LRCH2: variants seen among roughly 807,000 people sequenced by gnomAD.
The protein encoded by LRCH2 is leucine-rich repeat and calponin homology domain-containing protein 2.
Under a neutral mutation model 68.9 loss-of-function variants are expected in LRCH2, and 38 were observed. The ratio of observed to expected loss-of-function variants is 0.55; its 90% confidence interval spans 0.43 to 0.72. The LOEUF (loss-of-function observed/expected upper bound fraction) is 0.72, where lower values mean the gene tolerates loss of function less well. LRCH2 is among the 30% of genes least tolerant of loss of function. The pLI is 0.00. For missense variants in LRCH2, 528 were observed against 572.9 expected, an observed-to-expected ratio of 0.92 and a Z score of 0.80; for synonymous variants, 191 against 208.1, an observed-to-expected ratio of 0.92 and a Z score of 0.71.
chrX:115,199,031 T>C (rs1187223757), intron 1 of LRCH2, among the ~76,000 whole-genome samples: 1 of 112,330 alleles, frequency 8.9e-6, no homozygotes, highest in Non-Finnish European at 1.9e-5. Flanking sequence ...AAGCAAATGC[T>C]GAGGAATTCA....
In LRCH2 at chrX:115,191,280, G is replaced by C. The variant is rs781787462; in HGVS notation, c.350-2910C>G. On this transcript the variant is annotated intron_variant, in intron 1 of 20. Coordinates refer to ENST00000317135, the MANE Select transcript of LRCH2 (RefSeq NM_020871.4). ...GCCGCTCGCCCAATGCCTACAGCGG[G>C]GGCCACGACAGTTCCAGCTGGAGCC... The C allele has an allele frequency of 7.5e-5, 86 of 1,153,178 alleles. 1 individual carries two copies. The Admixed American group carries it at 2.2e-3, about 30-fold the overall frequency.
At chrX:115,134,570 T>C (rs2072272320) in intron 14 of LRCH2, among the ~76,000 whole-genome samples, 1 of 112,054 alleles carries the variant, frequency 8.9e-6, no homozygotes, top group Non-Finnish European at 1.9e-5. Context: ...AAATCTATTC[T>C]GCCTGTGCTT....
At chrX:115,133,045 A>T (rs2072259534) in intron 14 of LRCH2, among the ~76,000 whole-genome samples, 1 of 111,741 alleles carries the variant, frequency 8.9e-6, no homozygotes, top group Admixed American at 9.6e-5. Flanking sequence ...CACAAGAAAA[A>T]AATCCACTGC....
Position 115,165,916 on chromosome X carries a change from C to T in LRCH2, c.1123G>A (p.Val375Ile), listed in dbSNP as rs1231950856. The T allele has an allele frequency of 1.1e-5, 13 of 1,166,076 alleles. No homozygotes were observed. The highest frequency in any genetic ancestry group is 1.5e-5 in the Non-Finnish European group (13 of 870,034). ...DDDTVSLHSQ[V>I]SESNREQTSR... ...GTCTGCTCTCTATTTGATTCTGAGACTTGAGAATGAAGGCTGACTGTGTCA... is the reference window on the plus strand; with the variant it reads ...GTCTGCTCTCTATTTGATTCTGAGATTTGAGAATGAAGGCTGACTGTGTCA... Residue 375 changes from valine (V) to isoleucine (I), a missense_variant, in exon 8 of 21, where the codon GTC becomes ATC. Coordinates refer to ENST00000317135, the MANE Select transcript of LRCH2 (RefSeq NM_020871.4).
At chrX:115,191,411 C>A (rs1556559272) in intron 1 of LRCH2, 7 of 1,154,418 alleles carry the variant, frequency 6.1e-6, no homozygotes. Flanking sequence ...CACGACAGTT[C>A]TGGCCAGAGC....
At chrX:115,155,304 A>C (rs1433903569) in intron 12 of LRCH2, among the ~76,000 whole-genome samples, 2 of 110,144 alleles carry the variant, frequency 1.8e-5, no homozygotes, top group African/African-American at 6.6e-5. Flanking sequence ...TCACCCACGT[A>C]CTGCTGAAAA....
rs1417525078 is a variant in LRCH2 at position 115,118,102 on chromosome X, A to C, written c.2178+4425T>G. 1.2e-4 allele frequency among the ~76,000 whole-genome samples: 13 copies of C among 110,496 alleles called. No individual in the cohort carries two copies. The Admixed American group carries it at 1.3e-3, about 11-fold the overall frequency. ...ATTAGTGAGGTAGTGAATGCTTGTA[A>C]TCCCAGTTATTTGTGAAATGGAAGT... On this transcript the variant is annotated intron_variant, in intron 20 of 20. Coordinates refer to ENST00000317135, the MANE Select transcript of LRCH2 (RefSeq NM_020871.4).
intron 1 of LRCH2, chrX:115,192,825 T>C: frequency 2.1e-6 from 1 of 468,260 alleles, no homozygotes; most frequent in Admixed American, 4.1e-5. Flanking sequence ...TTTGAAATTG[T>C]TAATGTTTCT....
chrX:115,185,875 C>A (rs2147412061), intron 2 of LRCH2, among the ~76,000 whole-genome samples: 1 of 111,270 alleles, frequency 9.0e-6, no homozygotes, highest in South Asian at 3.9e-4. Flanking sequence ...ACACAAGGAT[C>A]TTTCTACAGG....
intron 1 of LRCH2, among the ~76,000 whole-genome samples, chrX:115,194,160 GAGAT>G (rs1556562434): frequency 9.0e-6 from 1 of 111,232 alleles, no homozygotes; most frequent in Non-Finnish European, 1.9e-5. Context: ...GAGAAGGAGA[GAGAT>G]ATATATTCTC....
At position 115,192,157 on chromosome X, in the gene LRCH2, C is replaced by T. The variant is rs1214872099; in HGVS notation, c.350-3787G>A. 2.6e-6 allele frequency: 3 copies of T among 1,165,730 alleles called. No individual in the cohort carries two copies. In the African/African-American group the frequency reaches 5.4e-5, roughly 21 times the overall value. On this transcript the variant is annotated intron_variant, in intron 1 of 20. Transcript: ENST00000317135. Reference sequence around the variant, plus strand: ...CAGCAACAGCTATGGCCGGAGTGACCATTACGGAAGAGGAGGCTGCTACGA... The same window carrying T: ...CAGCAACAGCTATGGCCGGAGTGACTATTACGGAAGAGGAGGCTGCTACGA...
At chrX:115,149,213 G>C (rs1556537558) in intron 14 of LRCH2, among the ~76,000 whole-genome samples, 2 of 111,069 alleles carry the variant, frequency 1.8e-5, no homozygotes, top group Non-Finnish European at 3.8e-5. Flanking sequence ...CTAATGATTG[G>C]CTTCTACAAA....
intron 10 of LRCH2, 122 bp downstream of exon 10, chrX:115,165,283 A>G (rs1556543981): frequency 6.5e-6 from 3 of 462,669 alleles, no homozygotes; most frequent in East Asian, 7.7e-5. Flanking sequence ...TAAATTAACT[A>G]TCTAAACATA....
chrX:115,165,130 T>G (rs2072547561), intron 10 of LRCH2, among the ~76,000 whole-genome samples: 1 of 110,148 alleles, frequency 9.1e-6, no homozygotes, highest in African/African-American at 3.3e-5. Context: ...TGAAGCAATG[T>G]ATATGACGGT....
Position 115,111,465 on chromosome X carries a change from C to T in LRCH2, c.*1751G>A, listed in dbSNP as rs2072042536. 9.1e-6 allele frequency: 1 copy of T among 109,899 alleles called. No individual in the cohort carries two copies. Among genetic ancestry groups the T allele is most frequent in the Non-Finnish European group, 1.9e-5 (1 of 52,695 alleles). 9.1% of individuals were successfully genotyped at this position (109,899 alleles called of 1,213,427 possible). A position where few individuals can be genotyped will look rare whatever the true frequency, so the allele number is the denominator to read the frequency against. On this transcript the variant is annotated 3_prime_UTR_variant, in exon 21 of 21. Transcript: ENST00000317135. ...AATTTGTAATGCTGTCAAATTTCTA[C>T]ATAAAAAGTCATTAACTAAGGTATT...
chrX:115,127,567 T>C (rs1454151976), intron 15 of LRCH2, among the ~76,000 whole-genome samples: 1 of 111,262 alleles, frequency 9.0e-6, no homozygotes, highest in Non-Finnish European at 1.9e-5. Context: ...TAGATTAATG[T>C]ATACAGGTAA....
At chrX:115,133,994 A>G (rs1454693973) in intron 14 of LRCH2, among the ~76,000 whole-genome samples, 3 of 112,444 alleles carry the variant, frequency 2.7e-5, no homozygotes, top group Admixed American at 9.5e-5. Context: ...TGAATGCAAA[A>G]TAAGTGTTGA....
chrX:115,213,374 T>C (rs782798571), intron 1 of LRCH2, among the ~76,000 whole-genome samples: 2 of 111,805 alleles, frequency 1.8e-5, no homozygotes, highest in East Asian at 5.7e-4. Context: ...GAGTCTGTGA[T>C]AGAGGCAAGC....
intron 1 of LRCH2, chrX:115,192,353 A>G: frequency 9.3e-7 from 1 of 1,079,224 alleles, no homozygotes; most frequent in Non-Finnish European, 1.2e-6. Flanking sequence ...ATCAAGAGTT[A>G]CGGCCTGAGC....
Sources: gnomAD v4.1 joint callset for allele counts (sites outside exome capture counted in the v4.1 genomes callset) on GRCh38, gnomAD v4.1.1 for gene constraint, MANE v1.5 for transcripts, NCBI Gene and HGNC (gene_info 2026-07-23, HGNC 2026-07-21) for gene names.